The following APBB2 variants were observed in gnomAD, a reference collection of about 807,000 sequenced individuals.
APBB2 encodes amyloid beta precursor protein binding family B member 2, also known as Fe65-like 1.
In APBB2, 38 loss-of-function variants were observed where a neutral mutation model predicts 82.5. The observed-to-expected ratio is 0.46, with a 90% CI of 0.36 to 0.60. The LOEUF (loss-of-function observed/expected upper bound fraction) is 0.60, where lower values mean the gene tolerates loss of function less well. Ranked by LOEUF, APBB2 falls within the 20% of genes least tolerant of loss-of-function variation. The probability of loss-of-function intolerance (pLI) is 0.00; values close to 1 mark genes in which losing one functional copy is unlikely to be tolerated. For missense variants in APBB2, 772 were observed against 972.3 expected (o/e 0.79, Z 2.74); for synonymous variants, 341 against 368.2 (o/e 0.93, Z 0.85).
chr4:41,197,839 G>A, intron 1 of APBB2, among the ~76,000 whole-genome samples: 1 of 151,916 alleles, frequency 6.6e-6, no homozygotes, highest in Non-Finnish European at 1.5e-5. Flanking sequence ...TTGACTATGA[G>A]CTCTATGTGG....
chr4:40,952,251 C>G (rs1790401840), intron 6 of APBB2, among the ~76,000 whole-genome samples: 1 of 150,644 alleles, frequency 6.6e-6, no homozygotes, highest in Non-Finnish European at 1.5e-5. Flanking sequence ...AGAAGAAGGT[C>G]AGTTAGGCTC....
chr4:41,011,335 C>A (rs893518998), intron 6 of APBB2, among the ~76,000 whole-genome samples: 1 of 151,842 alleles, frequency 6.6e-6, no homozygotes, highest in Non-Finnish European at 1.5e-5. Context: ...CACGCACCAC[C>A]ACACCAAGCT....
chr4:40,889,708 C>T (rs537477139), intron 12 of APBB2, among the ~76,000 whole-genome samples: 4 of 152,254 alleles, frequency 2.6e-5, no homozygotes, highest in South Asian at 4.1e-4. Flanking sequence ...ACTTGAAAAT[C>T]GGAACTCGTT....
intron 6 of APBB2, among the ~76,000 whole-genome samples, chr4:40,974,760 G>A (rs938120989): frequency 2.0e-5 from 3 of 152,200 alleles, no homozygotes; most frequent in African/African-American, 7.2e-5. Context: ...CATAAATTCT[G>A]AGAATACACA....
intron 4 of APBB2, among the ~76,000 whole-genome samples, chr4:41,042,705 CCAT>C (rs1168054090): frequency 2.0e-5 from 3 of 152,202 alleles, no homozygotes; most frequent in Non-Finnish European, 4.4e-5. Flanking sequence ...AGCCAGCCAA[CCAT>C]CAAACACATG....
intron 1 of APBB2, among the ~76,000 whole-genome samples, chr4:41,151,559 C>A (rs909417553): frequency 1.3e-5 from 2 of 152,208 alleles, no homozygotes; most frequent in Non-Finnish European, 2.9e-5. Flanking sequence ...TAGAAAAGAT[C>A]TTCTGTGGTA....
chr4:41,049,176 T>G (rs2154457746), intron 4 of APBB2, among the ~76,000 whole-genome samples: 1 of 142,330 alleles, frequency 7.0e-6, no homozygotes, highest in South Asian at 2.3e-4. Context: ...GTCTGAGATG[T>G]GGGGAGCGCC....
At chr4:40,843,402 T>C (rs1479844224) in intron 12 of APBB2, among the ~76,000 whole-genome samples, 1 of 151,286 alleles carries the variant, frequency 6.6e-6, no homozygotes, top group Non-Finnish European at 1.5e-5. Flanking sequence ...ACAATGACCA[T>C]GGCACACTAG....
chr4:41,007,315 T>C (rs1019589948), intron 6 of APBB2, among the ~76,000 whole-genome samples: 1 of 151,800 alleles, frequency 6.6e-6, no homozygotes, highest in South Asian at 2.1e-4. Flanking sequence ...CGGCACTCAC[T>C]AGATGCTGGT....
chr4:40,840,941 TG>T (rs1755594549), intron 12 of APBB2, among the ~76,000 whole-genome samples: 1 of 152,186 alleles, frequency 6.6e-6, no homozygotes, highest in South Asian at 2.1e-4. Flanking sequence ...TTATTTTACA[TG>T]AAGGAGCTCA....
intron 1 of APBB2, among the ~76,000 whole-genome samples, chr4:41,212,214 ATATTT>A (rs1779496950): frequency 6.6e-6 from 1 of 152,230 alleles, no homozygotes; most frequent in African/African-American, 2.4e-5. Context: ...CAGTTTAAAA[ATATTT>A]TATGTTTGTA....
At position 40,827,179 on chromosome 4, in the gene APBB2, C is replaced by A; in HGVS notation, c.1685G>T (p.Ser562Ile). ...CACATTGGCCCTTTCCTGTAAGGAG[C>A]TGCAGGCCAGCGCTTTGGCATTCTT... ...ERKNAKALAC[S>I]SLQERANVNL... Residue 562 changes from serine (S) to isoleucine (I), a missense_variant, in exon 14 of 18, where the codon AGC becomes ATC. Coordinates refer to ENST00000508593, the MANE Select transcript of APBB2 (RefSeq NM_004307.2). The A allele has an allele frequency of 6.2e-7, 1 of 1,614,206 alleles. No individual in the cohort carries two copies. The highest frequency in any genetic ancestry group is 8.5e-7 in the Non-Finnish European group (1 of 1,180,030).
At chr4:41,104,801 T>A (rs1224373336) in intron 2 of APBB2, among the ~76,000 whole-genome samples, 1 of 152,246 alleles carries the variant, frequency 6.6e-6, no homozygotes, top group Non-Finnish European at 1.5e-5. Flanking sequence ...GGCCTCCAGC[T>A]CCATCCATGT....
rs1426964484 is a variant in APBB2, at chr4:40,960,356, C to T, written c.836-15283G>A. Among the ~76,000 whole-genome samples the T allele has an allele frequency of 4.0e-5, 6 of 151,038 alleles. No individual in the cohort carries two copies. The East Asian group carries it at 1.2e-3, about 29-fold the overall frequency. On this transcript the variant is annotated intron_variant, in intron 6 of 17. Coordinates refer to ENST00000508593, the MANE Select transcript of APBB2 (RefSeq NM_004307.2). ...CAATAAATAACACAAGAGAATAGAC[C>T]CATGGGGTTAAGATATTTAAATTAC...
chr4:41,151,638 C>T lies in APBB2; in HGVS notation c.-416-8496G>A, dbSNP rs542993002. 9.9e-5 allele frequency among the ~76,000 whole-genome samples: 15 copies of T among 152,176 alleles called. No individual in the cohort carries two copies. In the South Asian group the frequency reaches 2.1e-3, roughly 21 times the overall value. ...TTGAATGACAGCTTTTTTTGACATA[C>T]AATCAATATTTTCTTTTAGCGTTTT... On this transcript the variant is annotated intron_variant, in intron 1 of 17. Transcript: ENST00000508593.
chr4:40,919,752 TAG>T (rs1256577326), intron 10 of APBB2, among the ~76,000 whole-genome samples: 1 of 152,252 alleles, frequency 6.6e-6, no homozygotes, highest in Admixed American at 6.5e-5. Flanking sequence ...ACTTGATGTT[TAG>T]AGTAGGCTGT....
chr4:40,930,889 A>G (rs533318741), intron 10 of APBB2, among the ~76,000 whole-genome samples: 1 of 152,176 alleles, frequency 6.6e-6, no homozygotes, highest in East Asian at 1.9e-4. Context: ...CTGGGACTAC[A>G]GGCGCCCACC....
At chr4:41,077,207 C>T (rs1044312941) in intron 3 of APBB2, among the ~76,000 whole-genome samples, 1 of 146,834 alleles carries the variant, frequency 6.8e-6, no homozygotes, top group Non-Finnish European at 1.5e-5. Flanking sequence ...GATAAGGACT[C>T]ACTATGTTGC....
intron 5 of APBB2, among the ~76,000 whole-genome samples, chr4:41,019,868 C>A (rs1173348345): frequency 6.6e-6 from 1 of 151,554 alleles, no homozygotes; most frequent in Admixed American, 6.6e-5. Context: ...AGGAAAGAGA[C>A]AAGGAGACAG....
Sources: gnomAD v4.1 joint callset for allele counts (sites outside exome capture counted in the v4.1 genomes callset) on GRCh38, gnomAD v4.1.1 for gene constraint, MANE v1.5 for transcripts, NCBI Gene and HGNC (gene_info 2026-07-23, HGNC 2026-07-21) for gene names.